CTTNBP2: variants seen among roughly 807,000 people sequenced by gnomAD.
CTTNBP2 encodes the protein cortactin-binding protein 2.
CTTNBP2 carries 108 observed loss-of-function variants against 156.9 expected under a neutral mutation model. The ratio of observed to expected loss-of-function variants is 0.69; its 90% CI spans 0.59 to 0.81. The LOEUF is 0.81. Among genes scored for constraint, CTTNBP2 ranks in the 30% least tolerant of loss-of-function variants. The pLI is 0.00. For synonymous variants in CTTNBP2, 767 were observed against 751.8 expected, an observed-to-expected ratio of 1.02 and a Z score of -0.33; for missense variants, 1,924 against 2,035.4, an observed-to-expected ratio of 0.95 and a Z score of 1.05.
At position 117,760,490 on chromosome 7, in the gene CTTNBP2, G is replaced by T. The variant is rs1000300147; in HGVS notation, c.3117C>A (p.Asn1039Lys). Reference sequence around the variant, plus strand: ...TGAGGCCGATGTTGGAATCAGTGGTGTTATTGCAAGTCACGTCTTCCAGAC... The same window carrying T: ...TGAGGCCGATGTTGGAATCAGTGGTTTTATTGCAAGTCACGTCTTCCAGAC... ...WWSLEDVTCN[N>K]TTDSNIGLSA... The change falls in exon 10 of 23, where the codon AAC (asparagine) becomes AAA (lysine). Residue 1039 changes from asparagine to lysine, a missense_variant. Physicochemically the swap from Asn to Lys is moderately conservative, Grantham distance 94. Transcript: ENST00000160373. 6 of 1,614,156 alleles carry T rather than the reference G, an allele frequency of 3.7e-6. No individual in the cohort carries two copies. Among genetic ancestry groups the T allele is most frequent in the Non-Finnish European group, 5.1e-6 (6 of 1,179,992 alleles).
chr7:117,843,948 T>G (rs971592884), intron 2 of CTTNBP2, among the ~76,000 whole-genome samples: 1 of 152,152 alleles, frequency 6.6e-6, no homozygotes, highest in Non-Finnish European at 1.5e-5. Context: ...ATGGGAAGAC[T>G]ATCCCATATG....
intron 9 of CTTNBP2, among the ~76,000 whole-genome samples, chr7:117,761,176 T>C (rs1797194076): frequency 6.6e-6 from 1 of 152,224 alleles, no homozygotes; most frequent in Non-Finnish European, 1.5e-5. Context: ...GTCAGCCTCC[T>C]ATAGATGCGT....
intron 1 of CTTNBP2, among the ~76,000 whole-genome samples, chr7:117,868,350 A>G (rs1489865886): frequency 1.3e-5 from 2 of 152,232 alleles, no homozygotes; most frequent in African/African-American, 4.8e-5. Flanking sequence ...ATGAAATATA[A>G]AAATGTCAAA....
chr7:117,869,058 G>T (rs1040442912), intron 1 of CTTNBP2, among the ~76,000 whole-genome samples: 4 of 152,130 alleles, frequency 2.6e-5, no homozygotes, highest in African/African-American at 9.7e-5. Context: ...GAAGGATGCA[G>T]GATGGTAGAG....
intron 2 of CTTNBP2, among the ~76,000 whole-genome samples, chr7:117,843,383 G>T (rs373393007): frequency 2.0e-5 from 3 of 152,112 alleles, no homozygotes; most frequent in East Asian, 1.9e-4. Context: ...GTGTAGACAG[G>T]AGTTCCCATT....
intron 1 of CTTNBP2, among the ~76,000 whole-genome samples, chr7:117,867,814 G>C (rs1249832883): frequency 6.6e-6 from 1 of 152,090 alleles, no homozygotes; most frequent in Non-Finnish European, 1.5e-5. Context: ...AGCTCTCCAA[G>C]GTCATGCACC....
chr7:117,778,125 A>G (rs1446218380), intron 7 of CTTNBP2, among the ~76,000 whole-genome samples: 1 of 152,228 alleles, frequency 6.6e-6, no homozygotes, highest in African/African-American at 2.4e-5. Context: ...GGGATTAAAA[A>G]ATTTATATGC....
In CTTNBP2 at chr7:117,861,400, T is replaced by A; in HGVS notation, c.82-84A>T. ...TCCTAAGGGTATGCAATGAATCAGTTTTATCCCAGTGGCTCGGCAGATCCA... is the reference window on the plus strand; with the variant it reads ...TCCTAAGGGTATGCAATGAATCAGTATTATCCCAGTGGCTCGGCAGATCCA... On this transcript the variant is annotated intron_variant, in intron 1 of 22. Transcript: ENST00000160373. 3.2e-6 allele frequency: 3 copies of A among 932,482 alleles called. 1 individual carries two copies. Among genetic ancestry groups the A allele is most frequent in the Non-Finnish European group, 5.0e-6 (3 of 597,574 alleles). 57.8% of individuals were successfully genotyped at this position (932,482 alleles called of 1,614,324 possible). A position where few individuals can be genotyped will look rare whatever the true frequency, so the allele number is the denominator to read the frequency against.
At chr7:117,763,307 A>G (rs990187895) in intron 9 of CTTNBP2, among the ~76,000 whole-genome samples, 19 of 152,164 alleles carry the variant, frequency 1.2e-4, no homozygotes, top group African/African-American at 3.9e-4. Context: ...CAATGGATGA[A>G]GAAAACTATT....
chr7:117,711,843 C>G, intron 22 of CTTNBP2, 61 bp from the exon 23 acceptor site: 1 of 1,506,928 alleles, frequency 6.6e-7, no homozygotes. Context: ...GAGCCCTACC[C>G]CTGCCTCCTC....
intron 2 of CTTNBP2, among the ~76,000 whole-genome samples, chr7:117,831,828 G>A (rs1801629564): frequency 1.3e-5 from 2 of 151,962 alleles, no homozygotes; most frequent in South Asian, 4.2e-4. Context: ...TTTCAAGTAT[G>A]TTCAACGTTC....
At chr7:117,835,137 T>G (rs555081257) in intron 2 of CTTNBP2, among the ~76,000 whole-genome samples, 37 of 152,356 alleles carry the variant, frequency 2.4e-4, no homozygotes, top group Admixed American at 1.4e-3. Flanking sequence ...CTCTCAACAC[T>G]AAGCCTCCCA....
chr7:117,870,557 T>C (rs977900026), intron 1 of CTTNBP2, among the ~76,000 whole-genome samples: 2 of 152,230 alleles, frequency 1.3e-5, no homozygotes, highest in African/African-American at 4.8e-5. Context: ...TATTAGCTGC[T>C]CCAGAAAAGC....
chr7:117,857,067 C>T (rs1055021700), intron 2 of CTTNBP2, among the ~76,000 whole-genome samples: 3 of 152,148 alleles, frequency 2.0e-5, no homozygotes, highest in Non-Finnish European at 4.4e-5. Flanking sequence ...TCAGAAAATG[C>T]AGCTGCTTCT....
chr7:117,844,849 T>C (rs1802492033), intron 2 of CTTNBP2, among the ~76,000 whole-genome samples: 1 of 152,160 alleles, frequency 6.6e-6, no homozygotes, highest in African/African-American at 2.4e-5. Flanking sequence ...CCAGAAGCTC[T>C]TTCTGATTGC....
intron 1 of CTTNBP2, among the ~76,000 whole-genome samples, chr7:117,864,248 A>G (rs984231764): frequency 1.3e-5 from 2 of 152,154 alleles, no homozygotes; most frequent in Non-Finnish European, 2.9e-5. Context: ...ACCATAGATT[A>G]TGTCACACAG....
intron 6 of CTTNBP2, among the ~76,000 whole-genome samples, chr7:117,781,943 A>G (rs1020936314): frequency 6.6e-6 from 1 of 152,218 alleles, no homozygotes; most frequent in African/African-American, 2.4e-5. Flanking sequence ...CAGCAAAATC[A>G]GTGTCTAGGG....
At chr7:117,849,866 T>A (rs1033165310) in intron 2 of CTTNBP2, among the ~76,000 whole-genome samples, 2 of 152,180 alleles carry the variant, frequency 1.3e-5, no homozygotes, top group African/African-American at 2.4e-5. Context: ...CAAGATTATA[T>A]AGAAGAGTAG....
chr7:117,756,522 AAC>A (rs1211308027), intron 12 of CTTNBP2, 31 bp downstream of exon 12: 1 of 1,547,534 alleles, frequency 6.5e-7, no homozygotes, highest in East Asian at 2.2e-5. Flanking sequence ...AGGGATGGAA[AAC>A]ACAGGTCTCC....
Sources: gnomAD v4.1 joint callset for allele counts (sites outside exome capture counted in the v4.1 genomes callset) on GRCh38, gnomAD v4.1.1 for gene constraint, MANE v1.5 for transcripts, NCBI Gene and HGNC (gene_info 2026-07-23, HGNC 2026-07-21) for gene names.